ARAP2: variants seen among roughly 807,000 people sequenced by gnomAD.
ARAP2 encodes the protein arf-GAP with Rho-GAP domain, ANK repeat and PH domain-containing protein 2.
In ARAP2, 148 loss-of-function variants were observed where a neutral mutation model predicts 194.5. The observed-to-expected ratio is 0.76, with a 90% CI of 0.67 to 0.87. ARAP2 has a LOEUF of 0.87. Among genes scored for constraint, ARAP2 ranks in the 40% least tolerant of loss-of-function variants. The pLI, the probability that ARAP2 is intolerant of heterozygous loss-of-function variation, is 0.00. For synonymous variants in ARAP2, 695 were observed against 683.5 expected (o/e 1.02, Z -0.26); for missense variants, 2,128 against 1,989.7 (o/e 1.07, Z -1.32).
At chr4:36,205,115 A>C (rs1450582485) in intron 6 of ARAP2, among the ~76,000 whole-genome samples, 1 of 151,882 alleles carries the variant, frequency 6.6e-6, no homozygotes, top group East Asian at 1.9e-4. Context: ...TACATTGTTC[A>C]AAAATGAGTA....
At position 36,177,811 on chromosome 4, in the gene ARAP2, C is replaced by A; in HGVS notation, c.1857+16G>T. 2 of 1,577,326 alleles carry A rather than the reference C, an allele frequency of 1.3e-6. No individual in the cohort carries two copies. The highest frequency in any genetic ancestry group is 2.7e-5 in the African/African-American group (2 of 73,412). ...ATAAAATAGCAGCAATTTGCAATGA[C>A]TATAACAGAGCTCACCTGTTCGTTT... On this transcript the variant is annotated intron_variant, in intron 9 of 32. Transcript: ENST00000303965.
At chr4:36,161,176 C>T (rs1156403772) in intron 12 of ARAP2, among the ~76,000 whole-genome samples, 2 of 151,806 alleles carry the variant, frequency 1.3e-5, no homozygotes, top group South Asian at 4.2e-4. Flanking sequence ...CACACACACA[C>T]ACACACACAC....
At chr4:36,042,843 CTTCTT>C (rs201523343) in intron 5 of ARAP2, among the ~76,000 whole-genome samples, 9,671 of 149,296 alleles carry the variant, frequency 0.065, 372 homozygotes, top group East Asian at 0.089. Flanking sequence ...GCGTTTTTTT[CTTCTT>C]TTTTTTTTTT....
At chr4:36,137,689 G>A (rs1727174259) in intron 19 of ARAP2, among the ~76,000 whole-genome samples, 2 of 151,594 alleles carry the variant, frequency 1.3e-5, no homozygotes, top group Admixed American at 6.6e-5. Context: ...CAGAAACAAC[G>A]TGTTTAAGGT....
chr4:36,027,536 C>A (rs1718133417), intron 5 of ARAP2, among the ~76,000 whole-genome samples: 1 of 151,938 alleles, frequency 6.6e-6, no homozygotes, highest in Admixed American at 6.6e-5. Flanking sequence ...TGCCTACTCC[C>A]TCTTTTTGGC....
intron 26 of ARAP2, among the ~76,000 whole-genome samples, chr4:36,113,224 CGA>C (rs1376988651): frequency 6.6e-6 from 1 of 151,784 alleles, no homozygotes; most frequent in Non-Finnish European, 1.5e-5. Flanking sequence ...TTTCTGTGCA[CGA>C]GGAGGATTGA....
At chr4:36,166,036 A>T (rs2109802941) in intron 10 of ARAP2, among the ~76,000 whole-genome samples, 1 of 152,300 alleles carries the variant, frequency 6.6e-6, no homozygotes, top group East Asian at 1.9e-4. Context: ...CAATATATTA[A>T]TACCTATATT....
intron 20 of ARAP2, among the ~76,000 whole-genome samples, chr4:36,131,222 A>G (rs1725364057): frequency 6.6e-6 from 1 of 151,628 alleles, no homozygotes; most frequent in Non-Finnish European, 1.5e-5. Flanking sequence ...CGTTCTGAAT[A>G]TAAATATATA....
intron 5 of ARAP2, among the ~76,000 whole-genome samples, chr4:36,036,713 C>G (rs764839073): frequency 3.3e-5 from 5 of 152,020 alleles, no homozygotes; most frequent in Admixed American, 1.3e-4. Flanking sequence ...ACTAAAATAT[C>G]TACTCCAAGC....
At chr4:36,013,576 A>T (rs1006878256) in intron 8 of ARAP2, among the ~76,000 whole-genome samples, 3 of 152,314 alleles carry the variant, frequency 2.0e-5, no homozygotes, top group Admixed American at 1.3e-4. Flanking sequence ...GCGTATATGG[A>T]TTTAGATCAA....
chr4:36,090,048 AAC>A lies in ARAP2; in HGVS notation c.4425+1831_4425+1832del, dbSNP rs61383618. ...AATAAAGAAGAGAGAATATTTGATA[AAC>A]ACAATCAGAAACAATAAGGGGGATA... On this transcript the variant is annotated intron_variant, in intron 28 of 32. Coordinates refer to ENST00000303965, the MANE Select transcript of ARAP2 (RefSeq NM_015230.4). 7.5e-3 allele frequency among the ~76,000 whole-genome samples: 1,138 copies of A among 152,174 alleles called. 18 individuals are homozygous for A. The highest frequency in any genetic ancestry group is 0.026 in the African/African-American group (1,080 of 41,560).
intron 27 of ARAP2, among the ~76,000 whole-genome samples, chr4:36,100,836 T>C (rs1716699073): frequency 6.6e-6 from 1 of 151,982 alleles, no homozygotes; most frequent in Non-Finnish European, 1.5e-5. Flanking sequence ...CTAACAGATA[T>C]AGACACACTG....
chr4:36,204,047 C>A (rs1309533727), intron 6 of ARAP2, among the ~76,000 whole-genome samples: 1 of 152,006 alleles, frequency 6.6e-6, no homozygotes, highest in Non-Finnish European at 1.5e-5. Context: ...ACAAAAAAAA[C>A]TGGGTTAGGA....
intron 15 of ARAP2, among the ~76,000 whole-genome samples, chr4:36,156,921 AT>A: frequency 6.6e-6 from 1 of 152,214 alleles, no homozygotes; most frequent in Non-Finnish European, 1.5e-5. Context: ...TTTTAAATAA[AT>A]TTTAACCAAA....
chr4:36,083,105 C>T (rs528872184), intron 29 of ARAP2, among the ~76,000 whole-genome samples: 2 of 152,016 alleles, frequency 1.3e-5, no homozygotes, highest in African/African-American at 2.4e-5. Flanking sequence ...CAGAGCCTCC[C>T]GGGATTTCTT....
chr4:36,067,148 C>G lies in ARAP2; in HGVS notation c.*759G>C, dbSNP rs934168669. 11 of 152,348 alleles carry G rather than the reference C, an allele frequency of 7.2e-5. No individual in the cohort carries two copies. The highest frequency in any genetic ancestry group is 2.7e-4 in the African/African-American group (11 of 41,460). 9.4% of individuals were successfully genotyped at this position (152,348 alleles called of 1,614,324 possible). A position where few individuals can be genotyped will look rare whatever the true frequency, so the allele number is the denominator to read the frequency against. ...CCTCTTAGCAGCCACCAACAATGAG[C>G]TCAAACGTAGTGAATCTGTAATGTG... is the stretch of plus-strand genomic sequence containing the variant. On this transcript the variant is annotated 3_prime_UTR_variant, in exon 33 of 33. Transcript: ENST00000303965.
At chr4:36,015,117 GT>G (rs1715545924) in intron 8 of ARAP2, among the ~76,000 whole-genome samples, 3 of 152,150 alleles carry the variant, frequency 2.0e-5, no homozygotes, top group African/African-American at 7.2e-5. Flanking sequence ...TTCTTGTTAT[GT>G]AAGAGAAGTT....
At chr4:36,193,513 G>T in intron 7 of ARAP2, 65 bp downstream of exon 7, 1 of 1,092,520 alleles carries the variant, frequency 9.2e-7, no homozygotes, top group Non-Finnish European at 1.3e-6. Context: ...AAACCAAACT[G>T]CTTGCTTATT....
At chr4:36,161,400 A>T (rs933217981) in intron 12 of ARAP2, 65 bp downstream of exon 12, 45 of 1,362,344 alleles carry the variant, frequency 3.3e-5, no homozygotes, top group Admixed American at 1.9e-4. Context: ...CCCACAGCAA[A>T]CCTCCTCCCA....
Sources: allele counts gnomAD v4.1 joint callset (sites outside exome capture counted in the v4.1 genomes callset), GRCh38; gene constraint gnomAD v4.1.1; transcripts MANE v1.5; gene names NCBI Gene and HGNC (gene_info 2026-07-23, HGNC 2026-07-21).